The following NCAM2 variants were observed in gnomAD, a reference collection of about 807,000 sequenced individuals.
The protein encoded by NCAM2 is neural cell adhesion molecule 2, also known as N-CAM-2.
In NCAM2, 30 loss-of-function variants were observed where a neutral mutation model predicts 98.1. The observed-to-expected ratio is 0.31, with a 90% CI of 0.23 to 0.41. The LOEUF is 0.41. NCAM2 is among the 10% of genes least tolerant of loss of function. The probability of loss-of-function intolerance (pLI) is 1.00; values close to 1 mark genes in which losing one functional copy is unlikely to be tolerated. For missense variants in NCAM2, 867 were observed against 1,005.8 expected, an observed-to-expected ratio of 0.86 and a Z score of 1.87; for synonymous variants, 368 against 342.4, an observed-to-expected ratio of 1.07 and a Z score of -0.83.
At chr21:21,465,910 G>C (rs1329083178) in intron 12 of NCAM2, among the ~76,000 whole-genome samples, 1 of 151,924 alleles carries the variant, frequency 6.6e-6, no homozygotes, top group African/African-American at 2.4e-5. Context: ...AAATTAACAA[G>C]GGTCAAATAA....
intron 1 of NCAM2, among the ~76,000 whole-genome samples, chr21:21,090,111 G>A (rs2065983579): frequency 6.6e-6 from 1 of 152,144 alleles, no homozygotes; most frequent in South Asian, 2.1e-4. Context: ...TGGAAATGCA[G>A]AATCTCAGGC....
chr21:21,373,337 A>G (rs1343414272), intron 8 of NCAM2, among the ~76,000 whole-genome samples: 1 of 151,932 alleles, frequency 6.6e-6, no homozygotes, highest in Non-Finnish European at 1.5e-5. Flanking sequence ...TTAGGCAATC[A>G]GGAACTATTT....
At chr21:21,283,175 AC>A (rs1407001163) in intron 2 of NCAM2, among the ~76,000 whole-genome samples, 1 of 151,966 alleles carries the variant, frequency 6.6e-6, no homozygotes, top group Non-Finnish European at 1.5e-5. Flanking sequence ...TTTCTTTCAT[AC>A]TTTTACTCAA....
intron 6 of NCAM2, among the ~76,000 whole-genome samples, chr21:21,330,984 A>G (rs2074659965): frequency 6.6e-6 from 1 of 152,064 alleles, no homozygotes; most frequent in Non-Finnish European, 1.5e-5. Flanking sequence ...TGAGAGTTTC[A>G]AGGAGATGTT....
intron 1 of NCAM2, among the ~76,000 whole-genome samples, chr21:21,071,746 A>T (rs1601279388): frequency 6.6e-6 from 1 of 152,222 alleles, no homozygotes; most frequent in Admixed American, 6.5e-5. Context: ...AGATGGAATA[A>T]TTAAAATGGC....
At chr21:21,405,551 G>C (rs2076723014) in intron 9 of NCAM2, among the ~76,000 whole-genome samples, 1 of 152,070 alleles carries the variant, frequency 6.6e-6, no homozygotes, top group Admixed American at 6.6e-5. Context: ...ACGTTAGTAA[G>C]TATACTTATT....
chr21:21,170,240 G>A (rs2068080318), intron 1 of NCAM2, among the ~76,000 whole-genome samples: 1 of 152,130 alleles, frequency 6.6e-6, no homozygotes, highest in Admixed American at 6.6e-5. Flanking sequence ...TGATCCAGCA[G>A]TTTTACTCCT....
intron 1 of NCAM2, among the ~76,000 whole-genome samples, chr21:21,046,794 C>A (rs2146279988): frequency 6.6e-6 from 1 of 151,792 alleles, no homozygotes; most frequent in African/African-American, 2.4e-5. Flanking sequence ...AGGACATGAG[C>A]AAAAGTAAAG....
At chr21:21,063,279 G>C (rs1051177003) in intron 1 of NCAM2, among the ~76,000 whole-genome samples, 5 of 142,596 alleles carry the variant, frequency 3.5e-5, no homozygotes, top group Non-Finnish European at 7.5e-5. Flanking sequence ...GGAGTGCAGA[G>C]GTGACCTGGG....
At chr21:21,325,683 A>T (rs745829674) in intron 6 of NCAM2, among the ~76,000 whole-genome samples, 1 of 152,216 alleles carries the variant, frequency 6.6e-6, no homozygotes, top group African/African-American at 2.4e-5. Context: ...CTACTGAATC[A>T]TTCATTCCAA....
chr21:21,437,541 G>A lies in NCAM2; in HGVS notation c.1654+5260G>A, dbSNP rs547203397. On this transcript the variant is annotated intron_variant, in intron 12 of 17. Transcript: ENST00000400546. ...TTTATTTCATTCTAAGGATATTAAC[G>A]GTCCCGGTTTATGCAGGGATCCCCA... Among the ~76,000 whole-genome samples, 17 of 144,342 alleles carry A rather than the reference G, an allele frequency of 1.2e-4. No homozygotes were observed. The East Asian group carries it at 2.5e-3, about 21-fold the overall frequency. 94.7% of individuals were successfully genotyped at this position (144,342 alleles called of 152,430 possible).
chr21:21,504,349 A>G (rs1429377504), intron 15 of NCAM2, among the ~76,000 whole-genome samples: 1 of 151,950 alleles, frequency 6.6e-6, no homozygotes, highest in African/African-American at 2.4e-5. Flanking sequence ...TTACACCATA[A>G]GTCGTAAGTG....
intron 8 of NCAM2, among the ~76,000 whole-genome samples, chr21:21,343,073 A>G (rs1375671423): frequency 6.6e-6 from 1 of 152,216 alleles, no homozygotes; most frequent in Non-Finnish European, 1.5e-5. Flanking sequence ...TTGAAAAGTC[A>G]GAAGAAGCTT....
intron 8 of NCAM2, among the ~76,000 whole-genome samples, chr21:21,362,992 C>T (rs1026532483): frequency 2.0e-5 from 3 of 152,024 alleles, no homozygotes; most frequent in Admixed American, 1.3e-4. Flanking sequence ...AGTAGAGTGA[C>T]AAGAGCTTTG....
chr21:21,146,728 C>T (rs2067285660), intron 1 of NCAM2, among the ~76,000 whole-genome samples: 1 of 151,992 alleles, frequency 6.6e-6, no homozygotes, highest in African/African-American at 2.4e-5. Flanking sequence ...GAAAAACATA[C>T]ATTATTCATG....
intron 1 of NCAM2, among the ~76,000 whole-genome samples, chr21:21,182,245 G>C (rs2068502373): frequency 6.6e-6 from 1 of 152,024 alleles, no homozygotes; most frequent in African/African-American, 2.4e-5. Flanking sequence ...TTCATGTAGA[G>C]TATTATTTAG....
intron 15 of NCAM2, among the ~76,000 whole-genome samples, chr21:21,499,463 G>A (rs1011364762): frequency 6.6e-6 from 1 of 152,028 alleles, no homozygotes; most frequent in African/African-American, 2.4e-5. Context: ...GGATGGTCTC[G>A]ACCTCCTGAC....
intron 1 of NCAM2, among the ~76,000 whole-genome samples, chr21:21,162,277 T>C (rs901249438): frequency 1.3e-5 from 2 of 152,122 alleles, no homozygotes; most frequent in Non-Finnish European, 2.9e-5. Context: ...TTCTAAGATA[T>C]GATTTCAAAA....
At chr21:21,094,039 G>C (rs1400495216) in intron 1 of NCAM2, among the ~76,000 whole-genome samples, 2 of 151,810 alleles carry the variant, frequency 1.3e-5, no homozygotes, top group African/African-American at 2.4e-5. Context: ...TTTGTTTCCA[G>C]GGATATGTTC....
Sources: gnomAD v4.1 joint callset for allele counts (sites outside exome capture counted in the v4.1 genomes callset) on GRCh38, gnomAD v4.1.1 for gene constraint, MANE v1.5 for transcripts, NCBI Gene and HGNC (gene_info 2026-07-23, HGNC 2026-07-21) for gene names.